The following RAI1 variants were observed in gnomAD, a reference collection of about 807,000 sequenced individuals.
RAI1 encodes retinoic acid-induced protein 1.
RAI1 carries 9 observed loss-of-function variants against 123.8 expected under a neutral mutation model. The observed-to-expected ratio is 0.07, with a 90% CI of 0.04 to 0.13. The LOEUF (loss-of-function observed/expected upper bound fraction) is 0.13, where lower values mean the gene tolerates loss of function less well. Ranked by LOEUF, RAI1 falls within the 10% of genes least tolerant of loss-of-function variation. The pLI is 1.00. For missense variants in RAI1, 2,256 were observed against 2,545.8 expected (o/e 0.89, Z 2.45); for synonymous variants, 1,231 against 1,127.3 (o/e 1.09, Z -1.84).
chr17:17,759,582 T>A (rs542934457), intron 2 of RAI1, among the ~76,000 whole-genome samples: 1 of 150,216 alleles, frequency 6.7e-6, no homozygotes, highest in African/African-American at 2.4e-5. Flanking sequence ...TCTTTCTGCA[T>A]ACCCTCAGTG....
chr17:17,691,881 G>C (rs1037997457), intron 1 of RAI1, among the ~76,000 whole-genome samples: 1 of 152,186 alleles, frequency 6.6e-6, no homozygotes, highest in Non-Finnish European at 1.5e-5. Flanking sequence ...GCAGCTTTCT[G>C]ATAGGTGGGA....
intron 1 of RAI1, among the ~76,000 whole-genome samples, chr17:17,712,668 T>C (rs1030710328): frequency 5.3e-5 from 8 of 152,162 alleles, no homozygotes; most frequent in East Asian, 1.9e-4. Flanking sequence ...GAAGGGGCTA[T>C]TGCACTTGTC....
At chr17:17,718,758 A>G (rs1354281520) in intron 1 of RAI1, among the ~76,000 whole-genome samples, 3 of 152,108 alleles carry the variant, frequency 2.0e-5, no homozygotes, top group South Asian at 2.1e-4. Flanking sequence ...ACTGGGGTAG[A>G]TGACCCCCTG....
In RAI1 at chr17:17,728,979, G is replaced by A. The variant is rs543881021; in HGVS notation, c.-17+4820G>A. 1.8e-3 allele frequency among the ~76,000 whole-genome samples: 272 copies of A among 152,294 alleles called. 2 individuals are homozygous for A. The highest frequency in any genetic ancestry group is 6.3e-3 in the African/African-American group (261 of 41,542). On this transcript the variant is annotated intron_variant, in intron 2 of 5. Coordinates refer to ENST00000353383, the MANE Select transcript of RAI1 (RefSeq NM_030665.4). ...CTGAGGTGGTTCCTTGCTGAGGTCC[G>A]AGCAGCACAGGGCTGGGCGGCTGTG... is the stretch of plus-strand genomic sequence containing the variant.
intron 2 of RAI1, among the ~76,000 whole-genome samples, chr17:17,791,165 G>A (rs1175274495): frequency 6.6e-6 from 1 of 152,184 alleles, no homozygotes; most frequent in East Asian, 1.9e-4. Flanking sequence ...TGACTCTCCT[G>A]CATTTGTGGG....
chr17:17,712,043 G>A (rs989704015), intron 1 of RAI1, among the ~76,000 whole-genome samples: 6 of 152,230 alleles, frequency 3.9e-5, no homozygotes, highest in Admixed American at 3.9e-4. Context: ...TTAACAAAAG[G>A]CACAGTGTGG....
intron 1 of RAI1, among the ~76,000 whole-genome samples, chr17:17,691,907 A>G (rs76131748): frequency 1.3e-5 from 2 of 152,326 alleles, no homozygotes; most frequent in East Asian, 3.9e-4. Context: ...AAGCAGGAAA[A>G]AAGAGCAGAG....
rs1242249586 is a variant in RAI1, at chr17:17,799,322, A to T, written c.5565+809A>T. ...GCCCACCGAGCACAGCAGCCCTGTG[A>T]TAGTCAGTGCAGAGGGGCCTGGTGG... On this transcript the variant is annotated intron_variant, in intron 3 of 5. Coordinates refer to ENST00000353383, the MANE Select transcript of RAI1 (RefSeq NM_030665.4). This position sits in a 1 kb window ranked among gnomAD's most constrained non-coding sequence, Gnocchi z 4.5. 1.3e-5 allele frequency among the ~76,000 whole-genome samples: 2 copies of T among 152,062 alleles called. No individual in the cohort carries two copies. The highest frequency in any genetic ancestry group is 2.9e-5 in the Non-Finnish European group (2 of 68,000).
At chr17:17,687,333 C>G (rs1023439788) in intron 1 of RAI1, among the ~76,000 whole-genome samples, 2 of 152,112 alleles carry the variant, frequency 1.3e-5, no homozygotes, top group Non-Finnish European at 2.9e-5. Flanking sequence ...TCTCTGGCCT[C>G]GGTCTCATCT....
At chr17:17,771,394 A>G (rs73295691) in intron 2 of RAI1, among the ~76,000 whole-genome samples, 14,021 of 152,222 alleles carry the variant, frequency 0.092, 990 homozygotes, top group African/African-American at 0.19. Context: ...GAGAGGGAAC[A>G]AGTGGGTGAT....
intron 2 of RAI1, among the ~76,000 whole-genome samples, chr17:17,767,482 C>T (rs1456168348): frequency 1.3e-5 from 2 of 151,884 alleles, no homozygotes; most frequent in African/African-American, 4.8e-5. Flanking sequence ...GCTGAGAACA[C>T]ACTGATGTTA....
In RAI1 at chr17:17,801,339, C is replaced by G. The variant is rs1567933804; in HGVS notation, c.5566-2417C>G. On this transcript the variant is annotated intron_variant, in intron 3 of 5. Transcript: ENST00000353383. The surrounding 1 kb of genome is among the most constrained non-coding windows in gnomAD (Gnocchi z 4.1). ...GTGGCAGGGTTTACATGCCGCCACCCCTGCCCTCCTCTTGGGTAGCTGGGG... is the reference window on the plus strand; with the variant it reads ...GTGGCAGGGTTTACATGCCGCCACCGCTGCCCTCCTCTTGGGTAGCTGGGG... 6.6e-6 allele frequency among the ~76,000 whole-genome samples: 1 copy of G among 152,152 alleles called. No homozygotes were observed. Among genetic ancestry groups the G allele is most frequent in the African/African-American group, 2.4e-5 (1 of 41,426 alleles).
At chr17:17,782,677 G>A (rs2031636240) in intron 2 of RAI1, among the ~76,000 whole-genome samples, 1 of 151,170 alleles carries the variant, frequency 6.6e-6, no homozygotes, top group Non-Finnish European at 1.5e-5. Flanking sequence ...AGAAGGGATA[G>A]GGAGGGAGGG....
intron 2 of RAI1, among the ~76,000 whole-genome samples, chr17:17,755,514 C>A (rs2030403842): frequency 6.6e-6 from 1 of 152,168 alleles, no homozygotes; most frequent in African/African-American, 2.4e-5. Flanking sequence ...GACATTGGAG[C>A]CCAGGGAGGG....
Position 17,794,423 on chromosome 17 carries a change from C to T in RAI1, c.1475C>T (p.Pro492Leu). ...SPEGSGYSAEPAGTPLSEPPS... is the reference protein window; with the variant it reads ...SPEGSGYSAELAGTPLSEPPS... ...GAAGGGAGCGGCTACTCAGCCGAGC[C>T]CGCAGGCACACCGCTGTCAGAGCCG... Residue 492 changes from proline (P) to leucine (L), a missense_variant, in exon 3 of 6, where the codon CCC (proline) becomes CTC (leucine). Coordinates refer to ENST00000353383, the MANE Select transcript of RAI1 (RefSeq NM_030665.4). 6.2e-7 allele frequency: 1 copy of T among 1,612,986 alleles called. No individual in the cohort carries two copies.
chr17:17,739,906 G>A (rs140841115), intron 2 of RAI1, among the ~76,000 whole-genome samples: 177 of 152,316 alleles, frequency 1.2e-3, no homozygotes, highest in African/African-American at 4.1e-3. Context: ...GGAGGGCAGC[G>A]GTGCTCGGCC....
chr17:17,752,130 G>C lies in RAI1; in HGVS notation c.-17+27971G>C, dbSNP rs185126061. Reference sequence around the variant, plus strand: ...GCCCAGGGTCTTGCAGCCCTGTGGGGAGAGGGCTGCCCAGCGCCCCGCAGG... The same window carrying C: ...GCCCAGGGTCTTGCAGCCCTGTGGGCAGAGGGCTGCCCAGCGCCCCGCAGG... On this transcript the variant is annotated intron_variant, in intron 2 of 5. Coordinates refer to ENST00000353383, the MANE Select transcript of RAI1 (RefSeq NM_030665.4). 6.2e-4 allele frequency among the ~76,000 whole-genome samples: 95 copies of C among 152,334 alleles called. 1 individual carries two copies. Among genetic ancestry groups the C allele is most frequent in the Admixed American group, 2.0e-3 (31 of 15,308 alleles).
intron 2 of RAI1, among the ~76,000 whole-genome samples, chr17:17,792,458 C>G (rs139052597): frequency 6.6e-6 from 1 of 152,084 alleles, no homozygotes; most frequent in Non-Finnish European, 1.5e-5. Context: ...GACTAAATTA[C>G]AGGATCCAGC....
At chr17:17,703,461 C>T (rs989685822) in intron 1 of RAI1, among the ~76,000 whole-genome samples, 4 of 152,122 alleles carry the variant, frequency 2.6e-5, no homozygotes, top group Admixed American at 1.3e-4. Flanking sequence ...CTTGTAGCGT[C>T]GGGAGCAGGA....
Sources: allele counts gnomAD v4.1 joint callset (sites outside exome capture counted in the v4.1 genomes callset), GRCh38; gene constraint gnomAD v4.1.1; non-coding constraint Gnocchi (gnomAD v3.1); transcripts MANE v1.5; gene names NCBI Gene and HGNC (gene_info 2026-07-23, HGNC 2026-07-21).